LRBA: variants seen among roughly 807,000 people sequenced by gnomAD.
The protein encoded by LRBA is LPS responsive beige-like anchor protein.
LRBA carries 176 observed loss-of-function variants against 330.0 expected under a neutral mutation model. The observed-to-expected ratio is 0.53, with a 90% CI of 0.47 to 0.60. LRBA has a LOEUF of 0.60. Ranked by LOEUF, LRBA falls within the 20% of genes least tolerant of loss-of-function variation. The pLI, the probability that LRBA is intolerant of heterozygous loss-of-function variation, is 0.00. For missense variants in LRBA, 3,259 were observed against 3,444.8 expected (o/e 0.95, Z 1.35); for synonymous variants, 1,230 against 1,193.0 (o/e 1.03, Z -0.64).
intron 40 of LRBA, among the ~76,000 whole-genome samples, chr4:150,529,311 GATCT>G (rs1426881949): frequency 6.6e-6 from 1 of 152,124 alleles, no homozygotes; most frequent in Non-Finnish European, 1.5e-5. Context: ...ATTTTGTGAG[GATCT>G]ATTAATTAAA....
At chr4:150,438,323 A>C (rs1291807133) in intron 44 of LRBA, among the ~76,000 whole-genome samples, 2 of 152,072 alleles carry the variant, frequency 1.3e-5, no homozygotes, top group Admixed American at 6.6e-5. Context: ...TTCTACAAAA[A>C]AATTTAAAAA....
intron 36 of LRBA, among the ~76,000 whole-genome samples, chr4:150,710,630 CA>C (rs1276447589): frequency 6.6e-6 from 1 of 152,044 alleles, no homozygotes; most frequent in African/African-American, 2.4e-5. Flanking sequence ...AGGTAGTAAA[CA>C]TGAGCCAAAG....
chr4:150,617,990 G>C (rs1295809655), intron 37 of LRBA, among the ~76,000 whole-genome samples: 1 of 152,054 alleles, frequency 6.6e-6, no homozygotes, highest in Non-Finnish European at 1.5e-5. Flanking sequence ...TGTAGTCCCA[G>C]CCACTCAGGA....
chr4:150,677,284 G>A (rs188783520), intron 37 of LRBA, among the ~76,000 whole-genome samples: 2 of 152,192 alleles, frequency 1.3e-5, no homozygotes, highest in Admixed American at 6.5e-5. Context: ...AATATAAATT[G>A]ATTATAAATG....
intron 2 of LRBA, among the ~76,000 whole-genome samples, chr4:151,002,782 TGGGA>T (rs1327433993): frequency 6.7e-6 from 1 of 148,744 alleles, no homozygotes; most frequent in Admixed American, 6.7e-5. Flanking sequence ...GAGGCTGAGG[TGGGA>T]GGATTACTTG....
intron 47 of LRBA, among the ~76,000 whole-genome samples, chr4:150,405,363 TC>T (rs1159060532): frequency 2.2e-4 from 33 of 152,342 alleles, no homozygotes; most frequent in Admixed American, 2.2e-3. Flanking sequence ...GTAATCCATT[TC>T]ATAAAGAGAT....
In LRBA at chr4:150,871,388, T is replaced by C. The variant is rs1224671322; in HGVS notation, c.2324A>G (p.Gln775Arg). ...TGTGGTCATTGTGATTAAATTTGTC[T>C]GAAGCATGAGCCTTTCAGCTAGCAA... ...FSLLAERLML[Q>R]TNLITMTTYN... Residue 775 changes from glutamine (Q) to arginine (R), a missense_variant, in exon 19 of 57, where the codon CAG (glutamine) becomes CGG (arginine). By Grantham distance (43) the Gln-to-Arg change is conservative (BLOSUM62 1). Coordinates refer to ENST00000651943, the MANE Select transcript of LRBA (RefSeq NM_001364905.1). The C allele has an allele frequency of 6.8e-6, 11 of 1,612,618 alleles. No homozygotes were observed. Among genetic ancestry groups the C allele is most frequent in the Non-Finnish European group, 9.3e-6 (11 of 1,178,806 alleles).
At chr4:150,948,962 C>T (rs973464951) in intron 2 of LRBA, among the ~76,000 whole-genome samples, 3 of 151,452 alleles carry the variant, frequency 2.0e-5, no homozygotes, top group Non-Finnish European at 3.0e-5. Flanking sequence ...TGTGGAGAAA[C>T]TGGATAATTC....
chr4:150,351,224 T>C (rs1737107192), intron 47 of LRBA, among the ~76,000 whole-genome samples: 1 of 152,214 alleles, frequency 6.6e-6, no homozygotes. Flanking sequence ...TTATAAATAC[T>C]AAAGACTTTT....
Position 150,848,854 on chromosome 4 carries a change from A to C in LRBA, c.4303T>G (p.Ser1435Ala), listed in dbSNP as rs781334432. Reference sequence around the variant, plus strand: ...CACTGCCGCAAAATTCCTCCAGATGACATACTTTTTTCAGCTTCAATTTCA... The same window carrying C: ...CACTGCCGCAAAATTCCTCCAGATGCCATACTTTTTTCAGCTTCAATTTCA... ...FTEIEAEKSM[S>A]SGGILRQCLR... Residue 1435 changes from serine (S) to alanine (A), a missense_variant, in exon 26 of 57, where the codon TCA becomes GCA. Ser to Ala is a moderately conservative substitution (Grantham distance 99). Coordinates refer to ENST00000651943, the MANE Select transcript of LRBA (RefSeq NM_001364905.1). 6.2e-7 allele frequency: 1 copy of C among 1,611,746 alleles called. No homozygotes were observed. The highest frequency in any genetic ancestry group is 1.1e-5 in the South Asian group (1 of 90,642).
intron 46 of LRBA, among the ~76,000 whole-genome samples, chr4:150,421,262 T>A (rs527424330): frequency 3.3e-3 from 464 of 140,008 alleles, no homozygotes; most frequent in African/African-American, 0.011. Context: ...CATACATATT[T>A]TATATATATA....
intron 40 of LRBA, among the ~76,000 whole-genome samples, chr4:150,557,546 G>A (rs1767488965): frequency 6.8e-6 from 1 of 147,426 alleles, no homozygotes; most frequent in Non-Finnish European, 1.5e-5. Context: ...ATTATATTTA[G>A]TCTTGATGTC....
intron 28 of LRBA, among the ~76,000 whole-genome samples, chr4:150,834,614 T>C (rs1696066096): frequency 6.6e-6 from 1 of 152,208 alleles, no homozygotes; most frequent in African/African-American, 2.4e-5. Context: ...TTGTCCTTCC[T>C]TTTATAGAGC....
intron 55 of LRBA, among the ~76,000 whole-genome samples, chr4:150,281,128 G>T (rs1277177814): frequency 6.6e-6 from 1 of 152,100 alleles, no homozygotes; most frequent in Non-Finnish European, 1.5e-5. Context: ...AGTCAGCCAG[G>T]GATCTCAAAT....
chr4:150,685,406 ATATATATATATATATTTTTTTTTTT>A (rs1783478721), intron 36 of LRBA, among the ~76,000 whole-genome samples: 1 of 15,684 alleles, frequency 6.4e-5, no homozygotes, highest in African/African-American at 2.4e-4. Flanking sequence ...ATATATATAT[ATATATATATATATATTTTTTTTTTT>A]TTTTTTTTTT....
intron 32 of LRBA, among the ~76,000 whole-genome samples, 182 bp from the exon 33 acceptor site, chr4:150,806,586 A>G (rs114075294): frequency 0.014 from 2,163 of 152,172 alleles, 55 homozygotes; most frequent in African/African-American, 0.048. Flanking sequence ...TTTTATCCTG[A>G]TCTATCTTGC....
At chr4:150,488,493 T>G (rs1439943498) in intron 41 of LRBA, among the ~76,000 whole-genome samples, 1 of 151,650 alleles carries the variant, frequency 6.6e-6, no homozygotes, top group Non-Finnish European at 1.5e-5. Context: ...TTCAATAATT[T>G]CACATACATG....
rs965876196 is a variant in LRBA, at chr4:150,956,612, A to C, written c.217-27547T>G. On this transcript the variant is annotated intron_variant, in intron 2 of 56. Transcript: ENST00000651943. Reference sequence around the variant, plus strand: ...CAGACCAATATATCTTATGAATATGAACACAAAAATCCTCAACAAAATACT... The same window carrying C: ...CAGACCAATATATCTTATGAATATGCACACAAAAATCCTCAACAAAATACT... 2.9e-4 allele frequency among the ~76,000 whole-genome samples: 43 copies of C among 149,180 alleles called. 7 individuals carry two copies. Among genetic ancestry groups the C allele is most frequent in the African/African-American group, 1.1e-3 (42 of 38,630 alleles).
chr4:150,934,918 G>C (rs1734918952), intron 2 of LRBA, among the ~76,000 whole-genome samples: 1 of 151,862 alleles, frequency 6.6e-6, no homozygotes, highest in Non-Finnish European at 1.5e-5. Context: ...TGAGGCAGGA[G>C]AATCGCTTGA....
Sources: allele counts gnomAD v4.1 joint callset (sites outside exome capture counted in the v4.1 genomes callset), GRCh38; gene constraint gnomAD v4.1.1; transcripts MANE v1.5; gene names NCBI Gene and HGNC (gene_info 2026-07-23, HGNC 2026-07-21).